Variants in GRID2 observed in about 807,000 individuals in gnomAD.
The protein encoded by GRID2 is glutamate receptor ionotropic, delta-2.
GRID2 carries 33 observed loss-of-function variants against 114.8 expected under a neutral mutation model. The ratio of observed to expected loss-of-function variants is 0.29; its 90% CI spans 0.22 to 0.38. The LOEUF (loss-of-function observed/expected upper bound fraction) is 0.38, where lower values mean the gene tolerates loss of function less well. Ranked by LOEUF, GRID2 falls within the 10% of genes least tolerant of loss-of-function variation. The pLI is 1.00. For synonymous variants in GRID2, 505 were observed against 449.9 expected (o/e 1.12, Z -1.55); for missense variants, 1,184 against 1,257.7 (o/e 0.94, Z 0.89).
At chr4:93,000,852 G>T (rs2149216608) in intron 2 of GRID2, among the ~76,000 whole-genome samples, 1 of 151,578 alleles carries the variant, frequency 6.6e-6, no homozygotes, top group Non-Finnish European at 1.5e-5. Flanking sequence ...CTATCTATTG[G>T]ATGCTAAGTT....
At chr4:93,165,958 A>G (rs1738210551) in intron 4 of GRID2, 1 of 152,150 alleles carries the variant, frequency 6.6e-6, no homozygotes, top group South Asian at 2.1e-4. Flanking sequence ...AGGAGTGGAG[A>G]ATACTAGCAA....
chr4:93,299,564 G>T (rs540813326), intron 8 of GRID2, among the ~76,000 whole-genome samples: 1 of 107,020 alleles, frequency 9.3e-6, no homozygotes. Context: ...GTGGGGGGAG[G>T]GGGGAGGGAT....
intron 2 of GRID2, among the ~76,000 whole-genome samples, chr4:93,001,881 A>C (rs560363977): frequency 6.6e-6 from 1 of 151,688 alleles, no homozygotes; most frequent in East Asian, 1.9e-4. Flanking sequence ...TTCATATTTT[A>C]TTTTGTATAT....
intron 2 of GRID2, among the ~76,000 whole-genome samples, chr4:92,747,652 A>C (rs1047717925): frequency 6.6e-6 from 1 of 152,154 alleles, no homozygotes; most frequent in Non-Finnish European, 1.5e-5. Context: ...TATATTATAC[A>C]AGAAAAGAGA....
chr4:93,725,699 A>G (rs901241261), intron 14 of GRID2, among the ~76,000 whole-genome samples: 9 of 151,096 alleles, frequency 6.0e-5, no homozygotes, highest in African/African-American at 1.7e-4. Flanking sequence ...ATGGTATCTC[A>G]TTGTGGTTTT....
At chr4:93,322,038 C>CTTTTTTTTTCT (rs1553909014) in intron 8 of GRID2, among the ~76,000 whole-genome samples, 2 of 149,686 alleles carry the variant, frequency 1.3e-5, no homozygotes, top group African/African-American at 2.5e-5. Context: ...TTTCTTATTT[C>CTTTTTTTTTCT]TTTTTTTTTC....
chr4:93,726,783 G>A (rs1729946946), intron 14 of GRID2, among the ~76,000 whole-genome samples: 1 of 152,066 alleles, frequency 6.6e-6, no homozygotes, highest in Non-Finnish European at 1.5e-5. Flanking sequence ...TTGGCTCTCT[G>A]TTTGTCTGTT....
intron 1 of GRID2, among the ~76,000 whole-genome samples, chr4:92,305,570 GCAGA>G (rs1372146903): frequency 6.6e-6 from 1 of 152,182 alleles, no homozygotes; most frequent in Non-Finnish European, 1.5e-5. Context: ...GCCGCGCAAG[GCAGA>G]CAGCGAAGGC....
At chr4:92,442,786 C>T (rs930588522) in intron 1 of GRID2, among the ~76,000 whole-genome samples, 21 of 152,202 alleles carry the variant, frequency 1.4e-4, no homozygotes, top group Admixed American at 5.2e-4. Context: ...GAAAAAGAGC[C>T]TAAACGCTAT....
chr4:93,656,859 A>AAAAT (rs1723067990), intron 14 of GRID2, among the ~76,000 whole-genome samples: 1 of 134,776 alleles, frequency 7.4e-6, no homozygotes, highest in African/African-American at 2.8e-5. Flanking sequence ...AAAAAAAAAC[A>AAAAT]AATAATTCCA....
chr4:93,763,123 G>A (rs1239310341), intron 14 of GRID2, among the ~76,000 whole-genome samples: 4 of 152,042 alleles, frequency 2.6e-5, no homozygotes, highest in Admixed American at 6.6e-5. Context: ...CTGCCAAAGC[G>A]AATTCAAGGA....
chr4:92,429,025 C>A (rs1026848302), intron 1 of GRID2, among the ~76,000 whole-genome samples: 3 of 152,060 alleles, frequency 2.0e-5, no homozygotes, highest in East Asian at 1.9e-4. Context: ...ACCTCCACCC[C>A]CCGACAGGCC....
chr4:92,921,082 G>A (rs1478780270), intron 2 of GRID2, among the ~76,000 whole-genome samples: 2 of 151,846 alleles, frequency 1.3e-5, no homozygotes, highest in African/African-American at 2.4e-5. Flanking sequence ...TTCTCTTTTA[G>A]CTTCATTTCA....
intron 1 of GRID2, among the ~76,000 whole-genome samples, chr4:92,409,974 G>T (rs958885819): frequency 6.6e-6 from 1 of 152,138 alleles, no homozygotes; most frequent in East Asian, 1.9e-4. Flanking sequence ...TATAATAAAA[G>T]TTCTCCCTTG....
At chr4:92,812,590 CT>C (rs1245886180) in intron 2 of GRID2, among the ~76,000 whole-genome samples, 6 of 152,108 alleles carry the variant, frequency 3.9e-5, no homozygotes, top group African/African-American at 1.4e-4. Context: ...CATAATACCC[CT>C]GTTTTAATAA....
intron 13 of GRID2, among the ~76,000 whole-genome samples, chr4:93,526,851 A>G (rs1730956674): frequency 6.6e-6 from 1 of 152,200 alleles, no homozygotes. Context: ...AACAGGAGAC[A>G]TCTGCAAAAA....
At chr4:92,577,861 G>A (rs530889986) in intron 1 of GRID2, among the ~76,000 whole-genome samples, 1 of 152,154 alleles carries the variant, frequency 6.6e-6, no homozygotes, top group South Asian at 2.1e-4. Context: ...AAGAAAATGA[G>A]GAGCTGATGA....
chr4:93,616,068 A>T (rs1334062967), intron 13 of GRID2, among the ~76,000 whole-genome samples: 1 of 152,196 alleles, frequency 6.6e-6, no homozygotes, highest in Non-Finnish European at 1.5e-5. Flanking sequence ...TAAAGGAGCT[A>T]GTTATCTCCT....
chr4:93,526,111 C>A (rs1348355972), intron 13 of GRID2, among the ~76,000 whole-genome samples: 1 of 152,248 alleles, frequency 6.6e-6, no homozygotes, highest in African/African-American at 2.4e-5. Context: ...TTGTAATCCC[C>A]ATGTGTCAGG....
Sources: gnomAD v4.1 joint callset for allele counts (sites outside exome capture counted in the v4.1 genomes callset) on GRCh38, gnomAD v4.1.1 for gene constraint, MANE v1.5 for transcripts, NCBI Gene and HGNC (gene_info 2026-07-23, HGNC 2026-07-21) for gene names.